FLI1: variants seen among roughly 807,000 people sequenced by gnomAD.
FLI1 encodes the protein Fli-1 proto-oncogene, ETS transcription factor.
FLI1 carries 13 observed loss-of-function variants against 53.1 expected under a neutral mutation model. The observed-to-expected ratio is 0.24, with a 90% CI of 0.16 to 0.39. FLI1 has a LOEUF of 0.39. Ranked by LOEUF, FLI1 falls within the 10% of genes least tolerant of loss-of-function variation. FLI1 has a pLI of 1.00. For synonymous variants in FLI1, 244 were observed against 236.7 expected, an observed-to-expected ratio of 1.03 and a Z score of -0.28; for missense variants, 424 against 600.5, an observed-to-expected ratio of 0.71 and a Z score of 3.07.
intron 1 of FLI1, among the ~76,000 whole-genome samples, chr11:128,747,917 C>T (rs1360561364): frequency 6.6e-6 from 1 of 152,216 alleles, no homozygotes; most frequent in Non-Finnish European, 1.5e-5. Context: ...TGCTTTTCAG[C>T]AGTAAAAGCA....
rs1217324071 is a variant in FLI1 at position 128,756,872 on chromosome 11, G to C, written c.19-1243G>C. 3.3e-5 allele frequency among the ~76,000 whole-genome samples: 5 copies of C among 152,188 alleles called. No individual in the cohort carries two copies. The South Asian group carries it at 6.2e-4, about 19-fold the overall frequency. On this transcript the variant is annotated intron_variant, in intron 1 of 8. Transcript: ENST00000527786. ...TGTTTTGATTGGTAGCAGATCTCCG[G>C]AATGTGCAAAGTTTTTTAGTTGTCG...
chr11:128,750,931 A>C (rs920642170), intron 1 of FLI1, among the ~76,000 whole-genome samples: 13 of 152,248 alleles, frequency 8.5e-5, no homozygotes, highest in African/African-American at 2.9e-4. Context: ...GAACAACAGT[A>C]TAAATAGGTG....
intron 1 of FLI1, among the ~76,000 whole-genome samples, chr11:128,717,013 G>C (rs1939042415): frequency 6.6e-6 from 1 of 152,138 alleles, no homozygotes; most frequent in Non-Finnish European, 1.5e-5. Context: ...CTGGCAGCCA[G>C]CAGGCAAAGT....
intron 5 of FLI1, among the ~76,000 whole-genome samples, chr11:128,784,972 T>G (rs1352336624): frequency 6.6e-6 from 1 of 152,262 alleles, no homozygotes; most frequent in Non-Finnish European, 1.5e-5. Context: ...TCTATTAATG[T>G]CTTCAAAGCA....
intron 2 of FLI1, among the ~76,000 whole-genome samples, 198 bp downstream of exon 2, chr11:128,758,524 C>T (rs1940987119): frequency 6.6e-6 from 1 of 152,162 alleles, no homozygotes; most frequent in Non-Finnish European, 1.5e-5. Context: ...AGGAAGCCCC[C>T]CTGCCTCTCT....
intron 1 of FLI1, among the ~76,000 whole-genome samples, chr11:128,694,633 C>T (rs906002058): frequency 2.8e-5 from 2 of 70,678 alleles, no homozygotes; most frequent in Non-Finnish European, 5.4e-5. Context: ...ACCACTCCCA[C>T]CGACACCCGG....
chr11:128,780,943 A>C (rs1377386502), intron 4 of FLI1, among the ~76,000 whole-genome samples: 1 of 152,240 alleles, frequency 6.6e-6, no homozygotes, highest in Non-Finnish European at 1.5e-5. Context: ...CTCAAAGAGA[A>C]TGGCAAAAAT....
Position 128,740,096 on chromosome 11 carries a change from C to T in FLI1, c.19-18019C>T, listed in dbSNP as rs116482691. Reference sequence around the variant, plus strand: ...CCACCCCACATCTCTGCCCCATAAGCGCAGAAAGCAATCTCCCAAGAAACC... The same window carrying T: ...CCACCCCACATCTCTGCCCCATAAGTGCAGAAAGCAATCTCCCAAGAAACC... On this transcript the variant is annotated intron_variant, in intron 1 of 8. Transcript: ENST00000527786. Among the ~76,000 whole-genome samples, 675 of 152,244 alleles carry T rather than the reference C, an allele frequency of 4.4e-3. 3 individuals carry two copies. The highest frequency in any genetic ancestry group is 0.015 in the African/African-American group (636 of 41,526).
In FLI1 at chr11:128,730,647, T is replaced by G. The variant is rs147260627; in HGVS notation, c.19-27468T>G. The stretch of plus-strand genomic sequence containing the variant: ...CCCTGACACCCACTCCTTTTGTCTC[T>G]GCCTCTTGGGATCTTGGGAGAGCTA... On this transcript the variant is annotated intron_variant, in intron 1 of 8. Transcript: ENST00000527786. 1.6e-3 allele frequency among the ~76,000 whole-genome samples: 236 copies of G among 152,242 alleles called. 2 individuals are homozygous for G. The highest frequency in any genetic ancestry group is 5.5e-3 in the African/African-American group (229 of 41,536).
intron 1 of FLI1, among the ~76,000 whole-genome samples, chr11:128,749,077 G>C (rs756191360): frequency 4.6e-5 from 7 of 152,048 alleles, no homozygotes; most frequent in African/African-American, 1.7e-4. Flanking sequence ...TTCTGAGATC[G>C]ATTCCCCCCT....
At position 128,810,790 on chromosome 11, in the gene FLI1, C is replaced by T. The variant is rs1438258861; in HGVS notation, c.1161C>T (p.Tyr387=). ...SMYKYPSDIS[Y]MPSYHAHQQK... is the part of the protein sequence containing the mutation. ...ACAAGTACCCTTCTGACATCTCCTA[C>T]ATGCCTTCCTACCATGCCCACCAGC... The change falls in exon 9 of 9, where the codon TAC becomes TAT. Residue 387 remains tyrosine, a synonymous_variant. Coordinates refer to ENST00000527786, the MANE Select transcript of FLI1 (RefSeq NM_002017.5). The surrounding 1 kb of genome is among the most constrained non-coding windows in gnomAD (Gnocchi z 6.6). 1.9e-6 allele frequency: 3 copies of T among 1,614,070 alleles called. No individual in the cohort carries two copies. Among genetic ancestry groups the T allele is most frequent in the Non-Finnish European group, 8.5e-7 (1 of 1,179,888 alleles).
chr11:128,792,602 G>A lies in FLI1; in HGVS notation c.655+10579G>A, dbSNP rs550327026. Among the ~76,000 whole-genome samples the A allele has an allele frequency of 1.1e-4, 16 of 152,204 alleles. 1 individual carries two copies. The highest frequency in any genetic ancestry group is 3.1e-4 in the African/African-American group (13 of 41,510). On this transcript the variant is annotated intron_variant, in intron 5 of 8. Transcript: ENST00000527786. ...TCTTCCATGCCACATGGAGACAAAC[G>A]GGCTTCAGACATCTTCTAGTGAAAG...
At chr11:128,764,714 GGCAGCCGTGGAGCCCCATGGCC>G in intron 2 of FLI1, 1 of 1,556,780 alleles carries the variant, frequency 6.4e-7, no homozygotes, top group Non-Finnish European at 8.6e-7. Context: ...CACCCTGAGC[GGCAGCCGTGGAGCCCCATGGCC>G]GCACGCAGGG....
intron 1 of FLI1, among the ~76,000 whole-genome samples, chr11:128,753,364 C>T (rs1418769651): frequency 1.3e-5 from 2 of 152,212 alleles, no homozygotes; most frequent in African/African-American, 4.8e-5. Flanking sequence ...CCCCACAAGT[C>T]TTTTAAATAA....
intron 5 of FLI1, among the ~76,000 whole-genome samples, chr11:128,786,053 G>A (rs781174319): frequency 1.3e-5 from 2 of 152,152 alleles, no homozygotes; most frequent in Non-Finnish European, 2.9e-5. Flanking sequence ...AAAAAATACT[G>A]ATGCCCAAGT....
At chr11:128,718,313 T>C (rs1265054543) in intron 1 of FLI1, among the ~76,000 whole-genome samples, 1 of 152,236 alleles carries the variant, frequency 6.6e-6, no homozygotes, top group South Asian at 2.1e-4. Context: ...ACTAGATGTG[T>C]GTGGTCTGAG....
intron 3 of FLI1, chr11:128,768,516 TA>T (rs59293003): frequency 0.66 from 217,649 of 330,994 alleles, 58,445 homozygotes; most frequent in African/African-American, 0.78. Context: ...TCATCTCTAC[TA>T]AAAAAAAAAA....
intron 1 of FLI1, among the ~76,000 whole-genome samples, chr11:128,720,748 C>G (rs192490629): frequency 6.6e-6 from 1 of 152,194 alleles, no homozygotes; most frequent in African/African-American, 2.4e-5. Context: ...TGTCAGACTC[C>G]GCGGGCCCTG....
At chr11:128,772,723 G>A in intron 3 of FLI1, 59 bp from the exon 4 acceptor site, 3 of 1,411,486 alleles carry the variant, frequency 2.1e-6, no homozygotes, top group Non-Finnish European at 3.0e-6. Flanking sequence ...GGCTGCCTAG[G>A]CTCTCAGGGA....
Sources: gnomAD v4.1 joint callset for allele counts (sites outside exome capture counted in the v4.1 genomes callset) on GRCh38, gnomAD v4.1.1 for gene constraint, Gnocchi (gnomAD v3.1) non-coding constraint, MANE v1.5 for transcripts, NCBI Gene and HGNC (gene_info 2026-07-23, HGNC 2026-07-21) for gene names.